ADAMTS16: variants seen among roughly 807,000 people sequenced by gnomAD.
ADAMTS16 encodes the protein A disintegrin and metalloproteinase with thrombospondin motifs 16.
ADAMTS16 carries 94 observed loss-of-function variants against 145.8 expected under a neutral mutation model. That is an observed-to-expected ratio of 0.64 (90% CI 0.55 to 0.77). The LOEUF (loss-of-function observed/expected upper bound fraction) is 0.77, where lower values mean the gene tolerates loss of function less well. Ranked by LOEUF, ADAMTS16 falls within the 30% of genes least tolerant of loss-of-function variation. The probability of loss-of-function intolerance (pLI) is 0.00; values close to 1 mark genes in which losing one functional copy is unlikely to be tolerated. For synonymous variants in ADAMTS16, 659 were observed against 604.3 expected (o/e 1.09, Z -1.33); for missense variants, 1,585 against 1,591.5 (o/e 1.00, Z 0.07).
rs146147479 is a variant in ADAMTS16, at chr5:5,274,011, ATG to A, written c.2789+11232_2789+11233del. Among the ~76,000 whole-genome samples, 1,030 of 152,100 alleles carry A rather than the reference ATG, an allele frequency of 6.8e-3. 7 individuals carry two copies. The highest frequency in any genetic ancestry group is 0.023 in the African/African-American group (947 of 41,480). On this transcript the variant is annotated intron_variant, in intron 18 of 22. Coordinates refer to ENST00000274181, the MANE Select transcript of ADAMTS16 (RefSeq NM_139056.4). ...TTGATTTTCATTGTGTTGTATGTGT[ATG>A]TGTTTTGTTTTATTTACTTATTTTT...
chr5:5,252,678 C>A (rs936676611), intron 17 of ADAMTS16, among the ~76,000 whole-genome samples: 1 of 152,178 alleles, frequency 6.6e-6, no homozygotes, highest in Non-Finnish European at 1.5e-5. Flanking sequence ...ACTTTACCCT[C>A]AGAAGCAAAT....
intron 18 of ADAMTS16, among the ~76,000 whole-genome samples, chr5:5,283,351 C>T (rs919889861): frequency 3.9e-5 from 6 of 152,146 alleles, no homozygotes; most frequent in African/African-American, 1.4e-4. Context: ...GGCTTTTCTC[C>T]TACATAACTA....
At chr5:5,195,810 T>A (rs1425160978) in intron 8 of ADAMTS16, among the ~76,000 whole-genome samples, 1 of 152,220 alleles carries the variant, frequency 6.6e-6, no homozygotes, top group Admixed American at 6.5e-5. Context: ...AAAAGACTAG[T>A]GATCTATGCC....
chr5:5,223,856 G>T (rs1736678243), intron 11 of ADAMTS16: 1 of 150,470 alleles, frequency 6.6e-6, no homozygotes, highest in East Asian at 1.9e-4. Flanking sequence ...TGCTTTTTAT[G>T]TATCTGAGTT....
At chr5:5,232,598 CTCTTT>C in intron 12 of ADAMTS16, 82 bp downstream of exon 12, 2 of 1,241,570 alleles carry the variant, frequency 1.6e-6, no homozygotes, top group Non-Finnish European at 2.2e-6. Context: ...TGTGTCTCAG[CTCTTT>C]TTTTTTTTTT....
intron 18 of ADAMTS16, among the ~76,000 whole-genome samples, chr5:5,279,423 T>A (rs2126467983): frequency 6.6e-6 from 1 of 152,294 alleles, no homozygotes; most frequent in South Asian, 2.1e-4. Context: ...CTTTTTTTCA[T>A]TTTCCTCTCC....
At chr5:5,159,047 T>A (rs181094075) in intron 3 of ADAMTS16, among the ~76,000 whole-genome samples, 40 of 152,360 alleles carry the variant, frequency 2.6e-4, no homozygotes, top group Middle Eastern at 3.4e-3. Flanking sequence ...AACATTTACC[T>A]TGTTTGGTTA....
chr5:5,190,514 G>A (rs995360120), intron 7 of ADAMTS16, among the ~76,000 whole-genome samples: 17 of 152,068 alleles, frequency 1.1e-4, no homozygotes, highest in African/African-American at 3.9e-4. Context: ...TATATTTCCT[G>A]TTTTTTCCCT....
chr5:5,148,435 TA>T (rs1211702206), intron 3 of ADAMTS16, among the ~76,000 whole-genome samples: 1 of 152,260 alleles, frequency 6.6e-6, no homozygotes, highest in Non-Finnish European at 1.5e-5. Context: ...AGGATAAGAA[TA>T]TTACTTTCAA....
intron 17 of ADAMTS16, among the ~76,000 whole-genome samples, chr5:5,255,476 G>A (rs1254502743): frequency 6.6e-6 from 1 of 152,212 alleles, no homozygotes; most frequent in Non-Finnish European, 1.5e-5. Flanking sequence ...GAGATCATTG[G>A]TGATGATTAC....
intron 3 of ADAMTS16, among the ~76,000 whole-genome samples, chr5:5,148,377 T>C (rs1734358893): frequency 6.6e-6 from 1 of 152,250 alleles, no homozygotes; most frequent in South Asian, 2.1e-4. Flanking sequence ...AAAGAAGATC[T>C]CTTCTAGCAG....
At chr5:5,296,698 C>T (rs149428695) in intron 18 of ADAMTS16, among the ~76,000 whole-genome samples, 1 of 152,288 alleles carries the variant, frequency 6.6e-6, no homozygotes, top group African/African-American at 2.4e-5. Context: ...CAGGAATGTG[C>T]AGGTGTTTGA....
chr5:5,213,683 T>C (rs1222457714), intron 10 of ADAMTS16, among the ~76,000 whole-genome samples: 4 of 152,188 alleles, frequency 2.6e-5, no homozygotes, highest in Admixed American at 2.6e-4. Context: ...TTCTTCCCCA[T>C]GAGGCATGGA....
At chr5:5,178,734 T>C (rs983446470) in intron 3 of ADAMTS16, among the ~76,000 whole-genome samples, 5 of 152,120 alleles carry the variant, frequency 3.3e-5, no homozygotes, top group African/African-American at 9.7e-5. Context: ...TGCCTGGGGA[T>C]CCGGTCCTCT....
In ADAMTS16 at chr5:5,212,189, G is replaced by GTTTTTTTTTT. The variant is rs200419820; in HGVS notation, c.1605+2943_1605+2944insTTTTTTTTTT. ...TCATGTTAGTACTATTAGTTTCTGG[G>GTTTTTTTTTT]GTTTTTTTTGTTTTGTTTTGTTTTG... On this transcript the variant is annotated intron_variant, in intron 10 of 22. Coordinates refer to ENST00000274181, the MANE Select transcript of ADAMTS16 (RefSeq NM_139056.4). Among the ~76,000 whole-genome samples the GTTTTTTTTTT allele has an allele frequency of 9.1e-5, 9 of 98,718 alleles. 1 individual carries two copies. Among genetic ancestry groups the GTTTTTTTTTT allele is most frequent in the East Asian group, 7.4e-4 (1 of 1,350 alleles). 64.8% of individuals were successfully genotyped at this position (98,718 alleles called of 152,430 possible).
At chr5:5,266,691 A>G (rs1006258680) in intron 18 of ADAMTS16, among the ~76,000 whole-genome samples, 1 of 152,092 alleles carries the variant, frequency 6.6e-6, no homozygotes, top group African/African-American at 2.4e-5. Flanking sequence ...GTGGGAAGGG[A>G]GCTCTCCTCC....
chr5:5,316,002 GTGTC>G (rs1734044786), intron 21 of ADAMTS16, among the ~76,000 whole-genome samples: 1 of 152,164 alleles, frequency 6.6e-6, no homozygotes. Flanking sequence ...AGGGCCATTT[GTGTC>G]TCCAACTTTT....
At chr5:5,261,489 C>CTTT (rs10719029) in intron 17 of ADAMTS16, among the ~76,000 whole-genome samples, 1 of 105,512 alleles carries the variant, frequency 9.5e-6, no homozygotes, top group Non-Finnish European at 2.0e-5. Flanking sequence ...GTTATAGCCT[C>CTTT]TTTTTTTTTT....
At chr5:5,301,002 T>C (rs1020586267) in intron 18 of ADAMTS16, among the ~76,000 whole-genome samples, 1 of 152,224 alleles carries the variant, frequency 6.6e-6, no homozygotes, top group Non-Finnish European at 1.5e-5. Context: ...CAAATGTGTT[T>C]ATAAAGGCTT....
Sources: gnomAD v4.1 joint callset for allele counts (sites outside exome capture counted in the v4.1 genomes callset) on GRCh38, gnomAD v4.1.1 for gene constraint, MANE v1.5 for transcripts, NCBI Gene and HGNC (gene_info 2026-07-23, HGNC 2026-07-21) for gene names.